The following AGMO variants were observed in gnomAD, a reference collection of about 807,000 sequenced individuals.
AGMO encodes glyceryl-ether monooxygenase.
AGMO carries 75 observed loss-of-function variants against 60.2 expected under a neutral mutation model. The observed-to-expected ratio is 1.25, with a 90% CI of 1.03 to 1.51. AGMO has a LOEUF of 1.51. Among genes scored for constraint, AGMO ranks in the 40% most tolerant of loss-of-function variants. AGMO has a pLI of 0.00. For synonymous variants in AGMO, 261 were observed against 177.1 expected (o/e 1.47, Z -3.76); for missense variants, 763 against 525.5 (o/e 1.45, Z -4.42).
chr7:15,131,726 T>C, the AGMO span, among the ~76,000 whole-genome samples: 3 of 150,532 alleles, frequency 2.0e-5, no homozygotes, highest in Admixed American at 6.7e-5. Context: ...AAAGCTGTTA[T>C]CACACTTAGG....
the AGMO span, among the ~76,000 whole-genome samples, chr7:15,120,430 C>T: frequency 3.9e-5 from 6 of 152,216 alleles, no homozygotes; most frequent in East Asian, 5.8e-4. Flanking sequence ...TATGTTAAAT[C>T]GCTAACCCCA....
intron 12 of AGMO, among the ~76,000 whole-genome samples, chr7:15,334,156 A>G (rs1781580016): frequency 6.6e-6 from 1 of 152,076 alleles, no homozygotes; most frequent in Admixed American, 6.6e-5. Flanking sequence ...AAGTCACAAA[A>G]GAAAAGATGT....
At chr7:15,478,433 T>G (rs1014401442) in intron 3 of AGMO, among the ~76,000 whole-genome samples, 1 of 152,144 alleles carries the variant, frequency 6.6e-6, no homozygotes, top group Non-Finnish European at 1.5e-5. Flanking sequence ...GTTTAACTGC[T>G]TTATCCTTTC....
At chr7:15,522,276 A>C (rs924061698) in intron 3 of AGMO, among the ~76,000 whole-genome samples, 4 of 152,244 alleles carry the variant, frequency 2.6e-5, no homozygotes, top group Non-Finnish European at 5.9e-5. Context: ...CATACTGCCC[A>C]AAGTAATTTA....
At chr7:15,548,379 G>C (rs1377360618) in intron 2 of AGMO, among the ~76,000 whole-genome samples, 5 of 151,590 alleles carry the variant, frequency 3.3e-5, no homozygotes, top group Admixed American at 1.3e-4. Flanking sequence ...AGCTATGGGA[G>C]GACATTCAAA....
chr7:15,553,248 C>T (rs1415611272), intron 2 of AGMO, among the ~76,000 whole-genome samples: 1 of 150,498 alleles, frequency 6.6e-6, no homozygotes, highest in Non-Finnish European at 1.5e-5. Flanking sequence ...GTGCAGCGCA[C>T]CAGCATGGCA....
chr7:15,410,006 A>T (rs867175657), intron 5 of AGMO, among the ~76,000 whole-genome samples: 11 of 151,672 alleles, frequency 7.3e-5, no homozygotes, highest in Middle Eastern at 6.8e-3. Context: ...AATAAATAAT[A>T]AATAAATAAA....
intron 3 of AGMO, among the ~76,000 whole-genome samples, chr7:15,451,268 C>A (rs994535185): frequency 2.0e-5 from 3 of 151,892 alleles, no homozygotes; most frequent in Admixed American, 2.0e-4. Flanking sequence ...ATCTAAGACT[C>A]AGAGAAGATG....
At chr7:15,317,677 TA>T (rs1451339967) in intron 12 of AGMO, among the ~76,000 whole-genome samples, 9 of 151,994 alleles carry the variant, frequency 5.9e-5, no homozygotes, top group Non-Finnish European at 1.2e-4. Flanking sequence ...GACTTTCATT[TA>T]TTCATTACTT....
intron 12 of AGMO, among the ~76,000 whole-genome samples, chr7:15,240,620 A>G (rs891775055): frequency 2.6e-5 from 4 of 152,196 alleles, no homozygotes; most frequent in Non-Finnish European, 5.9e-5. Context: ...GTTATATAAA[A>G]CAAATACTTA....
chr7:15,488,160 A>G (rs1782970936), intron 3 of AGMO, among the ~76,000 whole-genome samples: 1 of 152,234 alleles, frequency 6.6e-6, no homozygotes, highest in Non-Finnish European at 1.5e-5. Flanking sequence ...CAAGTTCTTA[A>G]GTTATTCAAC....
At chr7:15,328,065 T>C (rs554339171) in intron 12 of AGMO, among the ~76,000 whole-genome samples, 68 of 151,532 alleles carry the variant, frequency 4.5e-4, no homozygotes, top group African/African-American at 1.6e-3. Context: ...TATGAGACAC[T>C]GTGCCTGGTC....
rs1008724899 is a variant in AGMO, at chr7:15,478,997, C to T, written c.410-47889G>A. Among the ~76,000 whole-genome samples, 9 of 152,138 alleles carry T rather than the reference C, an allele frequency of 5.9e-5. No individual in the cohort carries two copies. The East Asian group carries it at 1.2e-3, about 20-fold the overall frequency. ...TTTATATACTGTTATGGAAGATAAA[C>T]GAGCTAATAAACATTGCACCTGCAG... On this transcript the variant is annotated intron_variant, in intron 3 of 12. Coordinates refer to ENST00000342526, the MANE Select transcript of AGMO (RefSeq NM_001004320.2).
chr7:15,194,846 C>T, the AGMO span, among the ~76,000 whole-genome samples: 3 of 151,866 alleles, frequency 2.0e-5, no homozygotes, highest in Non-Finnish European at 4.4e-5. Context: ...CCAATACCCC[C>T]TGTCTAGAGA....
At chr7:15,163,405 T>G in the AGMO span, among the ~76,000 whole-genome samples, 1 of 152,146 alleles carries the variant, frequency 6.6e-6, no homozygotes, top group Admixed American at 6.6e-5. Context: ...TTCCAGTTCT[T>G]AGGGGGAATA....
At chr7:15,196,789 A>G (rs58037013), downstream of AGMO, among the ~76,000 whole-genome samples, 2 of 152,174 alleles carry the variant, frequency 1.3e-5, no homozygotes, top group African/African-American at 4.8e-5. Context: ...TGAAGAAAGA[A>G]CATGCCCAAG....
At chr7:15,353,353 C>G (rs1340871145) in intron 12 of AGMO, among the ~76,000 whole-genome samples, 2 of 152,140 alleles carry the variant, frequency 1.3e-5, no homozygotes, top group Non-Finnish European at 2.9e-5. Context: ...TCTCAAATCT[C>G]TTTTTATCCA....
intron 12 of AGMO, among the ~76,000 whole-genome samples, chr7:15,294,603 T>C (rs1229795501): frequency 2.0e-5 from 3 of 151,944 alleles, no homozygotes; most frequent in Non-Finnish European, 4.4e-5. Flanking sequence ...TTCCTAAAAA[T>C]GTGAATAATT....
At chr7:15,524,500 C>A (rs893746991) in intron 3 of AGMO, among the ~76,000 whole-genome samples, 15 of 152,126 alleles carry the variant, frequency 9.9e-5, no homozygotes, top group African/African-American at 1.4e-4. Flanking sequence ...TTTTTAATGG[C>A]CCACAGGAAA....
Sources: gnomAD v4.1 joint callset for allele counts (sites outside exome capture counted in the v4.1 genomes callset) on GRCh38, gnomAD v4.1.1 for gene constraint, MANE v1.5 for transcripts, NCBI Gene and HGNC (gene_info 2026-07-23, HGNC 2026-07-21) for gene names.